DPH6: variants seen among roughly 807,000 people sequenced by gnomAD.
DPH6 encodes diphthine--ammonia ligase.
Under a neutral mutation model 38.2 loss-of-function variants are expected in DPH6, and 33 were observed. That is an observed-to-expected ratio of 0.86 (90% confidence interval 0.65 to 1.15). The LOEUF (loss-of-function observed/expected upper bound fraction) is 1.15. Ranked by LOEUF, DPH6 falls within the 50% of genes most tolerant of loss-of-function variation. The probability of loss-of-function intolerance (pLI) is 0.00; values close to 1 mark genes in which losing one functional copy is unlikely to be tolerated. For synonymous variants in DPH6, 108 were observed against 103.0 expected, an observed-to-expected ratio of 1.05 and a Z score of -0.30; for missense variants, 325 against 320.0, an observed-to-expected ratio of 1.02 and a Z score of -0.12.
chr15:35,487,391 G>A (rs1038335951), intron 3 of DPH6, among the ~76,000 whole-genome samples: 1 of 152,252 alleles, frequency 6.6e-6, no homozygotes, highest in African/African-American at 2.4e-5. Context: ...TACATCCTTT[G>A]AAATCTAGGT....
intron 3 of DPH6, among the ~76,000 whole-genome samples, chr15:35,252,627 T>C (rs557714064): frequency 6.6e-6 from 1 of 152,380 alleles, no homozygotes; most frequent in South Asian, 2.1e-4. Flanking sequence ...TATCAATTAA[T>C]GCTTGTGTGC....
chr15:35,205,221 G>A, the DPH6 span, among the ~76,000 whole-genome samples: 62 of 151,918 alleles, frequency 4.1e-4, no homozygotes, highest in Non-Finnish European at 7.8e-4. Flanking sequence ...TCTCTTTGTT[G>A]GTTTATTATT....
At chr15:35,373,795 A>G (rs1479397504) in intron 7 of DPH6, among the ~76,000 whole-genome samples, 187 bp from the exon 8 acceptor site, 2 of 152,016 alleles carry the variant, frequency 1.3e-5, no homozygotes. Context: ...AAGTATACTA[A>G]GCTTTTAAGA....
At chr15:35,165,848 C>T in the DPH6 span, among the ~76,000 whole-genome samples, 3 of 151,890 alleles carry the variant, frequency 2.0e-5, no homozygotes, top group East Asian at 1.9e-4. Context: ...ATAGAGTATA[C>T]AAGATTTAGA....
intron 3 of DPH6, among the ~76,000 whole-genome samples, chr15:35,523,756 A>T (rs960927302): frequency 3.3e-5 from 5 of 152,152 alleles, no homozygotes; most frequent in Admixed American, 3.3e-4. Flanking sequence ...GATGACAGAC[A>T]AGTTCCTCAT....
rs2051938669 is a variant in DPH6, at chr15:35,285,872, G to GTTTTTTTTTTGTT, written n.201-65291_201-65290insAACAAAAAAAAAA. Among the ~76,000 whole-genome samples, 15 of 52,816 alleles carry GTTTTTTTTTTGTT rather than the reference G, an allele frequency of 2.8e-4. 5 individuals are homozygous for GTTTTTTTTTTGTT. Among genetic ancestry groups the GTTTTTTTTTTGTT allele is most frequent in the Admixed American group, 2.7e-3 (8 of 2,986 alleles). The allele number at this position is 52,816 out of a possible 152,430, so 34.6% of individuals were successfully genotyped here. On this transcript the variant is annotated intron_variant and non_coding_transcript_variant, in intron 3 of 3. Coordinates refer to the DPH6 transcript ENST00000560386. Reference sequence around the variant, plus strand: ...GACTCAATTATCATTTTATCTTTGAGTTTTTTTTTTTTTTTTTACCTGAGA... The same window carrying GTTTTTTTTTTGTT: ...GACTCAATTATCATTTTATCTTTGAGTTTTTTTTTTGTTTTTTTTTTTTTTTTTTTACCTGAGA...
chr15:35,520,958 C>A (rs780203486), intron 3 of DPH6: 35 of 985,144 alleles, frequency 3.6e-5, no homozygotes, highest in Non-Finnish European at 4.2e-5. Context: ...AATCAAAGTG[C>A]AGAACTGTGA....
chr15:35,386,764 G>C (rs1401149352), intron 6 of DPH6, among the ~76,000 whole-genome samples: 1 of 150,628 alleles, frequency 6.6e-6, no homozygotes, highest in Non-Finnish European at 1.5e-5. Context: ...TGAGTAGGTT[G>C]CAAAAATTTT....
chr15:35,212,769 C>T (rs896064702), downstream of DPH6, among the ~76,000 whole-genome samples: 15 of 152,118 alleles, frequency 9.9e-5, no homozygotes, highest in East Asian at 1.9e-4. Flanking sequence ...AAACTGGCTC[C>T]GTCTTATCTC....
rs1400617335 is a variant in DPH6, at chr15:35,440,968, A to G, written c.505+9717T>C. On this transcript the variant is annotated intron_variant, in intron 5 of 8. Coordinates refer to ENST00000256538, the MANE Select transcript of DPH6 (RefSeq NM_080650.4). Reference sequence around the variant, plus strand: ...CTTAAACAAATTTACAAGAAAAAACAAACAACCCAATCAAAAAGTGGGTGA... The same window carrying G: ...CTTAAACAAATTTACAAGAAAAAACGAACAACCCAATCAAAAAGTGGGTGA... Among the ~76,000 whole-genome samples, 9 of 151,042 alleles carry G rather than the reference A, an allele frequency of 6.0e-5. No homozygotes were observed. In the Admixed American group the frequency reaches 6.1e-4, roughly 10 times the overall value.
At chr15:35,304,970 C>T (rs2052078199) in intron 3 of DPH6, among the ~76,000 whole-genome samples, 1 of 151,988 alleles carries the variant, frequency 6.6e-6, no homozygotes. Context: ...GACAACTAGT[C>T]ACAGAGGGAC....
chr15:35,147,425 C>T, the DPH6 span, among the ~76,000 whole-genome samples: 1 of 152,072 alleles, frequency 6.6e-6, no homozygotes, highest in African/African-American at 2.4e-5. Flanking sequence ...TTTCTGCCTT[C>T]AGGGTTCTTC....
At chr15:35,467,473 G>C (rs2054141433) in intron 3 of DPH6, among the ~76,000 whole-genome samples, 2 of 152,192 alleles carry the variant, frequency 1.3e-5, no homozygotes, top group East Asian at 3.9e-4. Flanking sequence ...GGTTGAGGCA[G>C]GAGAATCGCC....
chr15:35,380,503 G>T (rs953603950), intron 7 of DPH6, among the ~76,000 whole-genome samples: 1 of 152,102 alleles, frequency 6.6e-6, no homozygotes, highest in Non-Finnish European at 1.5e-5. Context: ...CTGGCAAATA[G>T]AGAAAGTATT....
chr15:35,466,051 TG>T (rs577415127), intron 3 of DPH6, among the ~76,000 whole-genome samples: 588 of 152,128 alleles, frequency 3.9e-3, no homozygotes, highest in Non-Finnish European at 6.5e-3. Flanking sequence ...AAAGATAAGG[TG>T]GGGCCAGGCA....
At chr15:35,379,633 T>C (rs2052836254) in intron 7 of DPH6, among the ~76,000 whole-genome samples, 1 of 152,220 alleles carries the variant, frequency 6.6e-6, no homozygotes, top group Non-Finnish European at 1.5e-5. Context: ...CAGGTATGCT[T>C]AGGACATTTC....
intron 6 of DPH6, among the ~76,000 whole-genome samples, chr15:35,404,166 T>G (rs2053259452): frequency 6.6e-6 from 1 of 152,172 alleles, no homozygotes; most frequent in African/African-American, 2.4e-5. Flanking sequence ...TTGGCTATTG[T>G]GAACAGTGTT....
intron 3 of DPH6, among the ~76,000 whole-genome samples, chr15:35,352,814 T>G (rs2052526878): frequency 6.6e-6 from 1 of 152,184 alleles, no homozygotes; most frequent in Non-Finnish European, 1.5e-5. Context: ...GATGGCTGGG[T>G]CAAATGATAT....
intron 3 of DPH6, among the ~76,000 whole-genome samples, chr15:35,461,497 T>C (rs566937168): frequency 6.6e-6 from 1 of 152,354 alleles, no homozygotes; most frequent in Admixed American, 6.5e-5. Context: ...GGAGTATGCA[T>C]GCACATGCAC....
Sources: gnomAD v4.1 joint callset for allele counts (sites outside exome capture counted in the v4.1 genomes callset) on GRCh38, gnomAD v4.1.1 for gene constraint, MANE v1.5 for transcripts, NCBI Gene and HGNC (gene_info 2026-07-23, HGNC 2026-07-21) for gene names.